Variants in GNG2 observed in about 807,000 individuals in gnomAD.
GNG2 encodes the protein guanine nucleotide-binding protein G(I)/G(S)/G(O) subunit gamma-2.
GNG2 carries 5 observed loss-of-function variants against 5.5 expected under a neutral mutation model. That is an observed-to-expected ratio of 0.91 (90% CI 0.48 to 1.92). The LOEUF (loss-of-function observed/expected upper bound fraction) is 1.92, where lower values mean the gene tolerates loss of function less well. GNG2 is among the 30% of genes most tolerant of loss of function. The pLI, the probability that GNG2 is intolerant of heterozygous loss-of-function variation, is 0.01. For missense variants in GNG2, 55 were observed against 88.4 expected, an observed-to-expected ratio of 0.62 and a Z score of 1.52; for synonymous variants, 28 against 32.0, an observed-to-expected ratio of 0.88 and a Z score of 0.42.
chr14:51,944,362 T>G (rs745397262), intron 2 of GNG2, among the ~76,000 whole-genome samples: 2 of 152,218 alleles, frequency 1.3e-5, no homozygotes, highest in African/African-American at 2.4e-5. Flanking sequence ...TTTTTTGCTG[T>G]TTACTCACAT....
chr14:51,891,217 T>C (rs1297669396), intron 2 of GNG2, among the ~76,000 whole-genome samples: 2 of 152,210 alleles, frequency 1.3e-5, no homozygotes, highest in African/African-American at 4.8e-5. Context: ...TTAATAAATC[T>C]GTGTCCTACT....
intron 2 of GNG2, among the ~76,000 whole-genome samples, chr14:51,843,954 G>A (rs544833059): frequency 6.6e-6 from 1 of 152,236 alleles, no homozygotes; most frequent in African/African-American, 2.4e-5. Context: ...CCACCCCTTG[G>A]TCACCACCTT....
chr14:51,862,984 CTT>C (rs10699121), intron 1 of GNG2, among the ~76,000 whole-genome samples: 1 of 143,014 alleles, frequency 7.0e-6, no homozygotes, highest in East Asian at 2.0e-4. Context: ...TTTAATTGTG[CTT>C]TTTTTTTTTT....
At chr14:51,888,407 C>T (rs1478807167) in intron 2 of GNG2, among the ~76,000 whole-genome samples, 1 of 152,094 alleles carries the variant, frequency 6.6e-6, no homozygotes, top group Non-Finnish European at 1.5e-5. Flanking sequence ...CAGCCTTGAC[C>T]TCCTGGGCTT....
chr14:51,893,954 A>G (rs913836142), intron 2 of GNG2, among the ~76,000 whole-genome samples: 14 of 152,132 alleles, frequency 9.2e-5, no homozygotes, highest in African/African-American at 3.1e-4. Context: ...TTTATTTTCT[A>G]TTCCAATGTC....
chr14:51,842,618 C>A (rs560987138), intron 2 of GNG2, among the ~76,000 whole-genome samples: 5 of 151,986 alleles, frequency 3.3e-5, no homozygotes, highest in Non-Finnish European at 7.4e-5. Context: ...TATGTTACCA[C>A]AAATGGCCTG....
At chr14:51,860,452 A>C (rs549167567), upstream of GNG2, 2 of 152,788 alleles carry the variant, frequency 1.3e-5, no homozygotes, top group Admixed American at 1.3e-4. Context: ...AATCACTGTC[A>C]GCAGCCCAGG....
chr14:51,846,765 C>A (rs1365114615), intron 2 of GNG2, among the ~76,000 whole-genome samples: 2 of 152,204 alleles, frequency 1.3e-5, no homozygotes, highest in East Asian at 1.9e-4. Flanking sequence ...TCTTCCCTCC[C>A]ATGTGGGACA....
At chr14:51,937,623 A>ATT (rs60571273) in intron 2 of GNG2, among the ~76,000 whole-genome samples, 15,815 of 133,476 alleles carry the variant, frequency 0.12, 1,742 homozygotes, top group African/African-American at 0.15. Context: ...GAAATACATA[A>ATT]TTTTTTTTTT....
chr14:51,957,393 C>T (rs1274524601), intron 3 of GNG2, among the ~76,000 whole-genome samples: 2 of 152,040 alleles, frequency 1.3e-5, no homozygotes, highest in Non-Finnish European at 2.9e-5. Flanking sequence ...TATCTATATC[C>T]ACCATCTCTA....
At position 51,910,850 on chromosome 14, in the gene GNG2, A is replaced by G. The variant is rs1449294892; in HGVS notation, c.-30+33193A>G. Among the ~76,000 whole-genome samples, 4 of 152,382 alleles carry G rather than the reference A, an allele frequency of 2.6e-5. No individual in the cohort carries two copies. In the East Asian group the frequency reaches 7.7e-4, roughly 29 times the overall value. Reference sequence around the variant, plus strand: ...CCCATTACCCTAAAATGTTCAATGTAAAAAGCCCATGGCAGAATGCCTCTA... The same window carrying G: ...CCCATTACCCTAAAATGTTCAATGTGAAAAGCCCATGGCAGAATGCCTCTA... On this transcript the variant is annotated intron_variant, in intron 2 of 3. Transcript: ENST00000556766.
At position 51,936,908 on chromosome 14, in the gene GNG2, T is replaced by G. The variant is rs112897013; in HGVS notation, c.-29-13742T>G. ...ACTTTAAAAAATAATATCTGTAAGATAAACTCCTGGTCATCAAGTCAACTT... is the reference window on the plus strand; with the variant it reads ...ACTTTAAAAAATAATATCTGTAAGAGAAACTCCTGGTCATCAAGTCAACTT... On this transcript the variant is annotated intron_variant, in intron 2 of 3. Coordinates refer to ENST00000556766, the MANE Select transcript of GNG2 (RefSeq NM_053064.5). Among the ~76,000 whole-genome samples the G allele has an allele frequency of 2.5e-4, 38 of 152,306 alleles. 1 individual carries two copies. The highest frequency in any genetic ancestry group is 9.1e-4 in the African/African-American group (38 of 41,572).
intron 2 of GNG2, among the ~76,000 whole-genome samples, chr14:51,837,105 C>A (rs193178814): frequency 1.3e-5 from 2 of 151,796 alleles, no homozygotes; most frequent in Non-Finnish European, 1.5e-5. Context: ...GTGATCCACC[C>A]GCCTTGGCCT....
chr14:51,915,132 G>A (rs897888146), intron 2 of GNG2, among the ~76,000 whole-genome samples: 6 of 152,198 alleles, frequency 3.9e-5, no homozygotes, highest in African/African-American at 1.4e-4. Context: ...TAGAGCTTAA[G>A]TGTATGAATC....
intron 2 of GNG2, among the ~76,000 whole-genome samples, chr14:51,880,356 GA>G (rs1271296371): frequency 1.3e-5 from 2 of 152,088 alleles, no homozygotes; most frequent in African/African-American, 2.4e-5. Context: ...GAAATTGGAG[GA>G]AAAAATAACA....
intron 2 of GNG2, among the ~76,000 whole-genome samples, chr14:51,833,053 T>C (rs1178954927): frequency 6.6e-6 from 1 of 152,204 alleles, no homozygotes; most frequent in Non-Finnish European, 1.5e-5. Context: ...AACTCATTTC[T>C]CTATAGATCC....
intron 2 of GNG2, among the ~76,000 whole-genome samples, chr14:51,892,360 A>G (rs1318432270): frequency 6.6e-6 from 1 of 151,226 alleles, no homozygotes; most frequent in Middle Eastern, 3.4e-3. Flanking sequence ...CCCTCAGGGT[A>G]GAGAGCTATG....
intron 1 of GNG2, among the ~76,000 whole-genome samples, chr14:51,866,844 G>C (rs4901169): frequency 0.89 from 135,123 of 151,980 alleles, 60,175 homozygotes; most frequent in East Asian, 1. Flanking sequence ...GGGACAGAAA[G>C]ATCTGCGTCA....
chr14:51,928,699 A>G (rs1043924401), intron 2 of GNG2, among the ~76,000 whole-genome samples: 6 of 152,196 alleles, frequency 3.9e-5, no homozygotes, highest in Non-Finnish European at 5.9e-5. Context: ...ACACTTGTCT[A>G]TTCATTAACC....
Sources: allele counts gnomAD v4.1 joint callset (sites outside exome capture counted in the v4.1 genomes callset), GRCh38; gene constraint gnomAD v4.1.1; transcripts MANE v1.5; gene names NCBI Gene and HGNC (gene_info 2026-07-23, HGNC 2026-07-21).